AKT3: variants seen among roughly 807,000 people sequenced by gnomAD.
AKT3 encodes RAC-gamma serine/threonine-protein kinase.
Under a neutral mutation model 65.3 loss-of-function variants are expected in AKT3, and 15 were observed. That is an observed-to-expected ratio of 0.23 (90% CI 0.15 to 0.35). The LOEUF is 0.35. Ranked by LOEUF, AKT3 falls within the 10% of genes least tolerant of loss-of-function variation. AKT3 has a pLI of 1.00. For missense variants in AKT3, 243 were observed against 576.5 expected (o/e 0.42, Z 5.92); for synonymous variants, 206 against 183.8 (o/e 1.12, Z -0.98).
chr1:243,512,444 AAG>A lies in AKT3; in HGVS notation c.1252-20_1252-19del, dbSNP rs773791368. 2.8e-6 allele frequency: 4 copies of A among 1,447,974 alleles called. No homozygotes were observed. The highest frequency in any genetic ancestry group is 1.7e-4 in the Middle Eastern group (1 of 5,766). The allele number at this position is 1,447,974 out of a possible 1,614,324, so 89.7% of individuals were successfully genotyped here. A position where few individuals can be genotyped will look rare whatever the true frequency, so the allele number is the denominator to read the frequency against. Reference sequence around the variant, plus strand: ...GGTACAAGCTGTAAAAAGAAAGAAAAAGAGTTTTATTAACTGATTTCAATTCA... The same window carrying A: ...GGTACAAGCTGTAAAAAGAAAGAAAAAGTTTTATTAACTGATTTCAATTCA... On this transcript the variant is annotated intron_variant, in intron 12 of 13. Transcript: ENST00000673466.
chr1:243,531,748 T>A (rs1408015959), intron 12 of AKT3, among the ~76,000 whole-genome samples: 1 of 152,170 alleles, frequency 6.6e-6, no homozygotes, highest in Non-Finnish European at 1.5e-5. Context: ...TATATAAACA[T>A]GAGATGTCTT....
rs371255972 is a variant in AKT3 at position 243,524,462 on chromosome 1, G to A, written c.1252-12036C>T. Among the ~76,000 whole-genome samples, 13 of 152,194 alleles carry A rather than the reference G, an allele frequency of 8.5e-5. No individual in the cohort carries two copies. In the East Asian group the frequency reaches 1.2e-3, roughly 14 times the overall value. On this transcript the variant is annotated intron_variant, in intron 12 of 13. Coordinates refer to ENST00000673466, the MANE Select transcript of AKT3 (RefSeq NM_005465.7). Reference sequence around the variant, plus strand: ...TTGTCAAAAGGTAATGAAATTACACGTTCTCTAAAAAGAGGTCTGAATTTG... The same window carrying A: ...TTGTCAAAAGGTAATGAAATTACACATTCTCTAAAAAGAGGTCTGAATTTG...
At chr1:243,743,699 G>C (rs1315991977) in intron 2 of AKT3, among the ~76,000 whole-genome samples, 2 of 152,138 alleles carry the variant, frequency 1.3e-5, no homozygotes, top group Non-Finnish European at 2.9e-5. Flanking sequence ...TACTTCATTA[G>C]TTATCAGGGG....
At chr1:243,804,651 C>A (rs1692610623) in intron 2 of AKT3, among the ~76,000 whole-genome samples, 1 of 152,080 alleles carries the variant, frequency 6.6e-6, no homozygotes, top group Non-Finnish European at 1.5e-5. Flanking sequence ...TCGAGACCAT[C>A]CTGGCTAACA....
At chr1:243,703,326 G>T (rs888222519) in intron 2 of AKT3, among the ~76,000 whole-genome samples, 10 of 152,090 alleles carry the variant, frequency 6.6e-5, no homozygotes, top group African/African-American at 1.9e-4. Flanking sequence ...TAAGACATTT[G>T]CAGTATTTAA....
rs560586335 is a variant in AKT3 at position 243,510,090 on chromosome 1, C to T, written c.1354+2234G>A. 1.3e-4 allele frequency among the ~76,000 whole-genome samples: 20 copies of T among 152,262 alleles called. No homozygotes were observed. The South Asian group carries it at 2.7e-3, about 21-fold the overall frequency. ...AACATATTTACTTGCTCTAAAGGTA[C>T]GCAAATGCCAAATGCTCTATTTAAG... is the stretch of plus-strand genomic sequence containing the variant. On this transcript the variant is annotated intron_variant, in intron 13 of 13. Coordinates refer to ENST00000673466, the MANE Select transcript of AKT3 (RefSeq NM_005465.7).
At chr1:243,720,430 A>T (rs1436803758) in intron 2 of AKT3, among the ~76,000 whole-genome samples, 60 of 38,058 alleles carry the variant, frequency 1.6e-3, no homozygotes, top group Admixed American at 4.9e-3. Context: ...AAGACATAGT[A>T]AAAAAAAAAA....
At chr1:243,576,826 A>G (rs1319398584) in intron 8 of AKT3, among the ~76,000 whole-genome samples, 1 of 152,216 alleles carries the variant, frequency 6.6e-6, no homozygotes, top group African/African-American at 2.4e-5. Flanking sequence ...ATTCAATGCT[A>G]TTCACAATAA....
intron 2 of AKT3, among the ~76,000 whole-genome samples, chr1:243,768,221 A>C (rs184516051): frequency 6.6e-6 from 1 of 151,780 alleles, no homozygotes; most frequent in African/African-American, 2.4e-5. Flanking sequence ...GGATAATTAC[A>C]TTACTTAAGG....
chr1:243,771,023 G>C (rs544372447), intron 2 of AKT3, among the ~76,000 whole-genome samples: 1 of 152,258 alleles, frequency 6.6e-6, no homozygotes, highest in African/African-American at 2.4e-5. Context: ...CAGGGAAAAA[G>C]GAAGAGGCTA....
Position 243,660,249 on chromosome 1 carries a change from T to A in AKT3, c.284+4523A>T, listed in dbSNP as rs1211257620. On this transcript the variant is annotated intron_variant, in intron 4 of 13. Transcript: ENST00000673466. Reference sequence around the variant, plus strand: ...GAGGAATTTATCCATTTCTTCTAGATTTTCTAGTTTATTTGCGTAGAGGTG... The same window carrying A: ...GAGGAATTTATCCATTTCTTCTAGAATTTCTAGTTTATTTGCGTAGAGGTG... Among the ~76,000 whole-genome samples the A allele has an allele frequency of 7.9e-5, 12 of 152,196 alleles. No homozygotes were observed. The East Asian group carries it at 2.3e-3, about 29-fold the overall frequency.
intron 3 of AKT3, among the ~76,000 whole-genome samples, chr1:243,685,147 T>C (rs1684199267): frequency 6.6e-6 from 1 of 152,216 alleles, no homozygotes. Context: ...GCAGAATCTC[T>C]TTAGTTTAAT....
At chr1:243,528,734 T>A (rs923125572) in intron 12 of AKT3, among the ~76,000 whole-genome samples, 1 of 152,240 alleles carries the variant, frequency 6.6e-6, no homozygotes, top group African/African-American at 2.4e-5. Flanking sequence ...GATGGGCATT[T>A]AGGTTGATCC....
chr1:243,511,140 G>A (rs1669986317), intron 13 of AKT3, among the ~76,000 whole-genome samples: 2 of 152,254 alleles, frequency 1.3e-5, no homozygotes, highest in African/African-American at 2.4e-5. Context: ...CACTTCAATG[G>A]ATTGGTATTT....
chr1:243,698,489 A>G (rs187714611), intron 2 of AKT3, among the ~76,000 whole-genome samples: 4 of 152,176 alleles, frequency 2.6e-5, no homozygotes, highest in South Asian at 2.1e-4. Context: ...AAACACAAAA[A>G]CATCATTATA....
At position 243,695,726 on chromosome 1, in the gene AKT3, G is replaced by T. The variant is rs751741670; in HGVS notation, c.47-10C>A. 1.3e-6 allele frequency: 2 copies of T among 1,578,336 alleles called. No individual in the cohort carries two copies. The highest frequency in any genetic ancestry group is 1.2e-5 in the South Asian group (1 of 84,292). Reference sequence around the variant, plus strand: ...TTTTTTATATATTCTCCTACATGAGGAAAGCACGCATGTTAATGCTGAAAA... The same window carrying T: ...TTTTTTATATATTCTCCTACATGAGTAAAGCACGCATGTTAATGCTGAAAA... On this transcript the variant is annotated splice_polypyrimidine_tract_variant and intron_variant, in intron 2 of 13. Coordinates refer to ENST00000673466, the MANE Select transcript of AKT3 (RefSeq NM_005465.7).
At chr1:243,684,868 T>C (rs1684174809) in intron 3 of AKT3, among the ~76,000 whole-genome samples, 1 of 152,240 alleles carries the variant, frequency 6.6e-6, no homozygotes, top group Non-Finnish European at 1.5e-5. Flanking sequence ...CGTGGGATGG[T>C]ATCTCATTGT....
Position 243,661,506 on chromosome 1 carries a change from A to G in AKT3, c.284+3266T>C, listed in dbSNP as rs1196766797. On this transcript the variant is annotated intron_variant, in intron 4 of 13. Transcript: ENST00000673466. ...CTGGGAAAACTGGCTAGCCATATGT[A>G]GAAAGCTGAAACTGGATCCCTTCCT... Among the ~76,000 whole-genome samples, 203 of 150,612 alleles carry G rather than the reference A, an allele frequency of 1.3e-3. 1 individual carries two copies. Among genetic ancestry groups the G allele is most frequent in the African/African-American group, 4.7e-3 (195 of 41,176 alleles).
At chr1:243,712,920 C>T (rs1175808886) in intron 2 of AKT3, among the ~76,000 whole-genome samples, 1 of 152,066 alleles carries the variant, frequency 6.6e-6, no homozygotes, top group Non-Finnish European at 1.5e-5. Context: ...AAAATGCACG[C>T]TTGTCATTTA....
Sources: allele counts gnomAD v4.1 joint callset (sites outside exome capture counted in the v4.1 genomes callset), GRCh38; gene constraint gnomAD v4.1.1; transcripts MANE v1.5; gene names NCBI Gene and HGNC (gene_info 2026-07-23, HGNC 2026-07-21).